The following ATRNL1 variants were observed in gnomAD, a reference collection of about 807,000 sequenced individuals.
The protein encoded by ATRNL1 is attractin-like protein 1.
A neutral mutation model predicts 182.7 loss-of-function variants in ATRNL1; 95 were observed. That is an observed-to-expected ratio of 0.52 (90% CI 0.44 to 0.62). The LOEUF is 0.62. ATRNL1 is among the 20% of genes least tolerant of loss of function. ATRNL1 has a pLI of 0.00. For synonymous variants in ATRNL1, 576 were observed against 568.3 expected (o/e 1.01, Z -0.19); for missense variants, 1,471 against 1,679.5 (o/e 0.88, Z 2.17).
chr10:115,233,620 A>G (rs1024064314), intron 9 of ATRNL1, among the ~76,000 whole-genome samples: 10 of 152,120 alleles, frequency 6.6e-5, no homozygotes, highest in Non-Finnish European at 1.5e-4. Context: ...AAATGCTTTC[A>G]GTATTTCTTC....
chr10:115,524,233 T>C (rs938487277), intron 25 of ATRNL1, among the ~76,000 whole-genome samples: 6 of 152,216 alleles, frequency 3.9e-5, no homozygotes, highest in Admixed American at 1.3e-4. Flanking sequence ...ACCTCTAACA[T>C]TGAGTATCAA....
chr10:115,138,110 C>G (rs1233463333), intron 5 of ATRNL1, among the ~76,000 whole-genome samples: 28 of 152,236 alleles, frequency 1.8e-4, no homozygotes. Flanking sequence ...CCAGGTCTCA[C>G]ATCCGGGTCA....
chr10:115,727,047 G>A (rs1409533566), intron 26 of ATRNL1, among the ~76,000 whole-genome samples: 3 of 152,172 alleles, frequency 2.0e-5, no homozygotes, highest in East Asian at 1.9e-4. Flanking sequence ...TGTAGGCACC[G>A]TACATTTAAA....
At chr10:115,797,187 TGTA>T (rs1949673476) in intron 27 of ATRNL1, among the ~76,000 whole-genome samples, 1 of 152,146 alleles carries the variant, frequency 6.6e-6, no homozygotes, top group Admixed American at 6.5e-5. Context: ...TTATTCAAAA[TGTA>T]GTTATTAGAC....
chr10:115,326,483 A>G (rs1309666406), intron 18 of ATRNL1, among the ~76,000 whole-genome samples: 10 of 152,186 alleles, frequency 6.6e-5, no homozygotes, highest in Non-Finnish European at 1.3e-4. Flanking sequence ...AGGAAGAATC[A>G]ATATCATGAA....
intron 8 of ATRNL1, among the ~76,000 whole-genome samples, chr10:115,207,421 G>A (rs1476266612): frequency 6.6e-6 from 1 of 152,032 alleles, no homozygotes; most frequent in African/African-American, 2.4e-5. Context: ...GTTTTGGTTT[G>A]CACTTCTCTG....
At chr10:115,656,323 A>T (rs1448310644) in intron 26 of ATRNL1, among the ~76,000 whole-genome samples, 2 of 152,202 alleles carry the variant, frequency 1.3e-5, no homozygotes, top group African/African-American at 4.8e-5. Flanking sequence ...TTCCTGGATG[A>T]AGCCAGTATC....
chr10:115,682,904 G>A (rs533712269), intron 26 of ATRNL1, among the ~76,000 whole-genome samples: 19 of 152,262 alleles, frequency 1.2e-4, no homozygotes, highest in Admixed American at 9.2e-4. Flanking sequence ...AATCTAGACT[G>A]AGATTACTTG....
chr10:115,333,458 A>G (rs1340439161), intron 18 of ATRNL1, among the ~76,000 whole-genome samples: 1 of 150,902 alleles, frequency 6.6e-6, no homozygotes, highest in African/African-American at 2.4e-5. Flanking sequence ...AAGAAGATAC[A>G]TATTTATGCA....
At chr10:115,272,929 G>A (rs1348650023) in intron 13 of ATRNL1, among the ~76,000 whole-genome samples, 1 of 152,192 alleles carries the variant, frequency 6.6e-6, no homozygotes, top group African/African-American at 2.4e-5. Flanking sequence ...AAAGAATTCT[G>A]TAAGTTTACT....
At chr10:115,254,694 T>A (rs1426255488) in intron 10 of ATRNL1, among the ~76,000 whole-genome samples, 3 of 152,204 alleles carry the variant, frequency 2.0e-5, no homozygotes, top group Non-Finnish European at 4.4e-5. Flanking sequence ...GGTGTTTTAG[T>A]CATGAAGTCC....
intron 26 of ATRNL1, among the ~76,000 whole-genome samples, chr10:115,552,710 T>C (rs1313405257): frequency 6.6e-6 from 1 of 151,194 alleles, no homozygotes; most frequent in Non-Finnish European, 1.5e-5. Context: ...CCCCTGAGAA[T>C]TCAGGGGCTC....
chr10:115,178,504 C>G (rs782086625), intron 8 of ATRNL1, among the ~76,000 whole-genome samples: 4 of 152,130 alleles, frequency 2.6e-5, no homozygotes, highest in Non-Finnish European at 4.4e-5. Flanking sequence ...CCTCTAAGCT[C>G]CTGTGTCCTT....
intron 26 of ATRNL1, among the ~76,000 whole-genome samples, chr10:115,644,658 T>A (rs1317732986): frequency 6.6e-6 from 1 of 152,164 alleles, no homozygotes; most frequent in African/African-American, 2.4e-5. Context: ...CACAGTGCTG[T>A]GAGAATTTAA....
Position 115,585,742 on chromosome 10 carries a change from A to G in ATRNL1, c.3795+36206A>G, listed in dbSNP as rs1458639777. ...TCTGTGTCTTTTAATTGGAGGATTTAGTCCATTTACGTTTAAAGTTAATAT... is the reference window on the plus strand; with the variant it reads ...TCTGTGTCTTTTAATTGGAGGATTTGGTCCATTTACGTTTAAAGTTAATAT... On this transcript the variant is annotated intron_variant, in intron 26 of 28. Transcript: ENST00000355044. Among the ~76,000 whole-genome samples, 130 of 38,140 alleles carry G rather than the reference A, an allele frequency of 3.4e-3. 10 individuals are homozygous for G. Among genetic ancestry groups the G allele is most frequent in the East Asian group, 0.024 (58 of 2,410 alleles). 25.0% of individuals were successfully genotyped at this position (38,140 alleles called of 152,430 possible). A position where few individuals can be genotyped will look rare whatever the true frequency, so the allele number is the denominator to read the frequency against.
At chr10:115,348,098 C>A (rs1856057716) in intron 19 of ATRNL1, among the ~76,000 whole-genome samples, 1 of 152,116 alleles carries the variant, frequency 6.6e-6, no homozygotes, top group Non-Finnish European at 1.5e-5. Flanking sequence ...CTCAGCCTTC[C>A]TAGTAGCTGG....
chr10:115,163,232 G>T (rs1239071296), intron 6 of ATRNL1, among the ~76,000 whole-genome samples: 1 of 151,776 alleles, frequency 6.6e-6, no homozygotes, highest in Non-Finnish European at 1.5e-5. Context: ...TTATCAAACT[G>T]CAGAATAGGG....
At chr10:115,816,209 GATC>G (rs1235822363) in intron 27 of ATRNL1, among the ~76,000 whole-genome samples, 42 of 152,224 alleles carry the variant, frequency 2.8e-4, no homozygotes, top group Non-Finnish European at 2.4e-4. Context: ...CACACAATGT[GATC>G]TGCCAACTGC....
At chr10:115,195,425 A>G (rs142884364) in intron 8 of ATRNL1, among the ~76,000 whole-genome samples, 1 of 152,208 alleles carries the variant, frequency 6.6e-6, no homozygotes, top group Non-Finnish European at 1.5e-5. Flanking sequence ...TGAAAATGTC[A>G]TCTCGCTCTC....
Sources: allele counts gnomAD v4.1 joint callset (sites outside exome capture counted in the v4.1 genomes callset), GRCh38; gene constraint gnomAD v4.1.1; transcripts MANE v1.5; gene names NCBI Gene and HGNC (gene_info 2026-07-23, HGNC 2026-07-21).